The following IL15RA variants were observed in gnomAD, a reference collection of about 807,000 sequenced individuals.
IL15RA encodes the protein interleukin 15 receptor subunit alpha, also known as interleukin-15 receptor subunit alpha.
Under a neutral mutation model 24.2 loss-of-function variants are expected in IL15RA, and 26 were observed. The observed-to-expected ratio is 1.07, with a 90% confidence interval of 0.79 to 1.49. The LOEUF is 1.49. Among genes scored for constraint, IL15RA ranks in the 40% most tolerant of loss-of-function variants. The pLI, the probability that IL15RA is intolerant of heterozygous loss-of-function variation, is 0.00. For missense variants in IL15RA, 354 were observed against 356.4 expected (o/e 0.99, Z 0.05); for synonymous variants, 166 against 157.6 (o/e 1.05, Z -0.40).
chr10:5,966,062 T>C lies in IL15RA; in HGVS notation c.283+83A>G. 1.0e-6 allele frequency: 1 copy of C among 982,964 alleles called. No homozygotes were observed. Among genetic ancestry groups the C allele is most frequent in the Non-Finnish European group, 1.6e-6 (1 of 639,370 alleles). 60.9% of individuals were successfully genotyped at this position (982,964 alleles called of 1,614,324 possible). On this transcript the variant is annotated intron_variant, in intron 2 of 6. Coordinates refer to ENST00000379977, the MANE Select transcript of IL15RA (RefSeq NM_002189.4). The surrounding 1 kb of genome is among the most constrained non-coding windows in gnomAD (Gnocchi z 6.4). ...GCCTCAGACCTCAGCACAGATCCCT[T>C]GACCCCTGAGATGGGGTCTTCTCTC... is the stretch of plus-strand genomic sequence containing the variant.
In IL15RA at chr10:5,965,660, C is replaced by T. The variant is rs1349350458; in HGVS notation, c.283+485G>A. The stretch of plus-strand genomic sequence containing the variant: ...GGATTTAAACCCAGAATCCTGTGAC[C>T]CCAGCACCTGTGTGTTTCCAACGCC... On this transcript the variant is annotated intron_variant, in intron 2 of 6. Transcript: ENST00000379977. This position sits in a 1 kb window ranked among gnomAD's most constrained non-coding sequence, Gnocchi z 5.8. Among the ~76,000 whole-genome samples, 1 of 152,212 alleles carries T rather than the reference C, an allele frequency of 6.6e-6. No individual in the cohort carries two copies.
At position 5,966,717 on chromosome 10, in the gene IL15RA, C is replaced by T. The variant is rs1836613655; in HGVS notation, c.89-378G>A. Among the ~76,000 whole-genome samples the T allele has an allele frequency of 6.6e-6, 1 of 152,134 alleles. No individual in the cohort carries two copies. The highest frequency in any genetic ancestry group is 6.5e-5 in the Admixed American group (1 of 15,270). On this transcript the variant is annotated intron_variant, in intron 1 of 6. Coordinates refer to ENST00000379977, the MANE Select transcript of IL15RA (RefSeq NM_002189.4). This position sits in a 1 kb window ranked among gnomAD's most constrained non-coding sequence, Gnocchi z 6.4. ...ACAGCAAGTGCCTCCAGATAGGCCC[C>T]CTGCAGGCTCTCCCACAGGTCTCTG...
rs1835203235 is a variant in IL15RA at position 5,959,861 on chromosome 10, G to C, written c.584-75C>G. The stretch of plus-strand genomic sequence containing the variant: ...TTCCTCATGAAGCAGGAGAAAATCT[G>C]CATGGCTTGGCTCCCATCTTAGCAC... On this transcript the variant is annotated intron_variant, in intron 4 of 6. Coordinates refer to ENST00000379977, the MANE Select transcript of IL15RA (RefSeq NM_002189.4). The surrounding 1 kb of genome is among the most constrained non-coding windows in gnomAD (Gnocchi z 4.1). 7.0e-7 allele frequency: 1 copy of C among 1,419,612 alleles called. No individual in the cohort carries two copies. Among genetic ancestry groups the C allele is most frequent in the Non-Finnish European group, 9.9e-7 (1 of 1,009,496 alleles). The allele number at this position is 1,419,612 out of a possible 1,614,324, so 87.9% of individuals were successfully genotyped here.
upstream of IL15RA, chr10:5,977,957 G>A (rs1334974019): frequency 2.4e-5 from 5 of 209,768 alleles, no homozygotes; most frequent in Admixed American, 1.2e-4. Flanking sequence ...GTCGCCTCCA[G>A]CTGCTCCGCC....
chr10:5,951,141 C>CAAAAAAAAAAAAA (rs60771366), downstream of IL15RA, among the ~76,000 whole-genome samples: 19 of 35,950 alleles, frequency 5.3e-4, 2 homozygotes, highest in African/African-American at 1.1e-3. Context: ...GACTCAGTCT[C>CAAAAAAAAAAAAA]AAAAAAAAAA....
At chr10:5,969,378 A>G (rs1486774559) in intron 1 of IL15RA, among the ~76,000 whole-genome samples, 1 of 147,032 alleles carries the variant, frequency 6.8e-6, no homozygotes, top group Non-Finnish European at 1.5e-5. Context: ...ATTAAATTAA[A>G]TTAAATTTTT....
Position 5,958,869 on chromosome 10 carries a change from GT to G in IL15RA, c.616+884del. On this transcript the variant is annotated intron_variant, in intron 5 of 6. Coordinates refer to ENST00000379977, the MANE Select transcript of IL15RA (RefSeq NM_002189.4). This position sits in a 1 kb window ranked among gnomAD's most constrained non-coding sequence, Gnocchi z 4.3. ...TTTGTCCATATCAAATTACAGTTGG[GT>G]TTTTTGTTACTTTGGAAGCTTGTCA... 6.6e-6 allele frequency among the ~76,000 whole-genome samples: 1 copy of G among 152,234 alleles called. No individual in the cohort carries two copies.
At chr10:5,954,687 G>A (rs990643881) in intron 6 of IL15RA, among the ~76,000 whole-genome samples, 5 of 151,988 alleles carry the variant, frequency 3.3e-5, no homozygotes, top group Non-Finnish European at 7.4e-5. Context: ...TCCTTTTTAA[G>A]AATATATTTT....
At position 5,960,152 on chromosome 10, in the gene IL15RA, T is replaced by G. The variant is rs892573741; in HGVS notation, c.583+215A>C. Among the ~76,000 whole-genome samples, 1 of 151,382 alleles carries G rather than the reference T, an allele frequency of 6.6e-6. No individual in the cohort carries two copies. The highest frequency in any genetic ancestry group is 1.5e-5 in the Non-Finnish European group (1 of 67,846). Reference sequence around the variant, plus strand: ...CTGGCCCTGTCACATCTTGGGGGGGTGTGGGCTTGCTTTTGCAGCTGCCCC... The same window carrying G: ...CTGGCCCTGTCACATCTTGGGGGGGGGTGGGCTTGCTTTTGCAGCTGCCCC... On this transcript the variant is annotated intron_variant, in intron 4 of 6. Transcript: ENST00000379977. This position sits in a 1 kb window ranked among gnomAD's most constrained non-coding sequence, Gnocchi z 5.1.
intron 5 of IL15RA, among the ~76,000 whole-genome samples, chr10:5,957,655 C>G (rs8177712): frequency 0.12 from 17,624 of 148,118 alleles, 1,234 homozygotes; most frequent in South Asian, 0.18. Flanking sequence ...TGCAGCGGCT[C>G]GAGTTTGCTC....
Position 5,966,185 on chromosome 10 carries a change from C to T in IL15RA, c.243G>A (p.Thr81=), listed in dbSNP as rs150111191. ...TGGGGGTTGTCCAGTGGGCGACATT[C>T]GTGGCCTTGTTCAACACGCACTCCG... ...SLTECVLNKA[T]NVAHWTTPSL... The change falls in exon 2 of 7, where the codon ACG becomes ACA. Residue 81 remains threonine (T), a synonymous_variant. Coordinates refer to ENST00000379977, the MANE Select transcript of IL15RA (RefSeq NM_002189.4). The surrounding 1 kb of genome is among the most constrained non-coding windows in gnomAD (Gnocchi z 6.4). The T allele has an allele frequency of 1.2e-4, 191 of 1,612,914 alleles. No homozygotes were observed. Among genetic ancestry groups the T allele is most frequent in the Non-Finnish European group, 1.4e-4 (169 of 1,179,054 alleles).
At chr10:5,976,711 G>A (rs1255870903) in intron 1 of IL15RA, among the ~76,000 whole-genome samples, 5 of 151,982 alleles carry the variant, frequency 3.3e-5, no homozygotes, top group African/African-American at 1.2e-4. Context: ...TCCGCGACCC[G>A]CTTTCTTCTC....
rs562205275 is a variant in IL15RA, at chr10:5,962,453, G to C, written c.382+1290C>G. On this transcript the variant is annotated intron_variant, in intron 3 of 6. Coordinates refer to ENST00000379977, the MANE Select transcript of IL15RA (RefSeq NM_002189.4). The surrounding 1 kb of genome is among the most constrained non-coding windows in gnomAD (Gnocchi z 5.2). ...CTAAAAATACAGAAATTAGCCAGGC[G>C]TGGTGGTGCACGCCTGTGATCCCAG... is the stretch of plus-strand genomic sequence containing the variant. 6.6e-6 allele frequency among the ~76,000 whole-genome samples: 1 copy of C among 152,068 alleles called. No homozygotes were observed. The highest frequency in any genetic ancestry group is 2.1e-4 in the South Asian group (1 of 4,820).
Position 5,966,270 on chromosome 10 carries a change from G to T in IL15RA, c.158C>A (p.Ser53Tyr). 6.2e-7 allele frequency: 1 copy of T among 1,614,152 alleles called. No individual in the cohort carries two copies. The highest frequency in any genetic ancestry group is 1.3e-5 in the African/African-American group (1 of 75,056). ...AGAGTTACAAATGTACCGCTCCCTG[G>T]AGTACAAGCTGTAGCTCTTGACCCA... ...DIWVKSYSLYSRERYICNSGF... is the reference protein window; with the variant it reads ...DIWVKSYSLYYRERYICNSGF... The change falls in exon 2 of 7, where the codon TCC becomes TAC. Residue 53 changes from serine to tyrosine, a missense_variant. Transcript: ENST00000379977. This position sits in a 1 kb window ranked among gnomAD's most constrained non-coding sequence, Gnocchi z 6.4.
Position 5,977,388 on chromosome 10 carries a change from T to C in IL15RA, c.88+17A>G. 1 of 1,241,620 alleles carries C rather than the reference T, an allele frequency of 8.1e-7. No individual in the cohort carries two copies. 76.9% of individuals were successfully genotyped at this position (1,241,620 alleles called of 1,614,324 possible). A position where few individuals can be genotyped will look rare whatever the true frequency, so the allele number is the denominator to read the frequency against. ...CTTCCAAGTCCCGCCCGGGCGCCCC[T>C]GCTCCCAGCTCCCTACCCCGCGTCG... On this transcript the variant is annotated intron_variant, in intron 1 of 6. Transcript: ENST00000379977.
At position 5,971,292 on chromosome 10, in the gene IL15RA, C is replaced by G. The variant is rs191075753; in HGVS notation, c.89-4953G>C. On this transcript the variant is annotated intron_variant, in intron 1 of 6. Coordinates refer to ENST00000379977, the MANE Select transcript of IL15RA (RefSeq NM_002189.4). This position sits in a 1 kb window ranked among gnomAD's most constrained non-coding sequence, Gnocchi z 5.5. ...TGGAAATTGGAGTAAACTTATGGCT[C>G]TAGGACTTTCAAAACTCTGAAGTAG... is the stretch of plus-strand genomic sequence containing the variant. Among the ~76,000 whole-genome samples the G allele has an allele frequency of 2.2e-3, 334 of 152,250 alleles. 1 individual carries two copies. The highest frequency in any genetic ancestry group is 7.6e-3 in the African/African-American group (314 of 41,546).
rs1835033773 is a variant in IL15RA at position 5,959,030 on chromosome 10, G to T, written c.616+724C>A. Among the ~76,000 whole-genome samples the T allele has an allele frequency of 6.6e-6, 1 of 151,730 alleles. No homozygotes were observed. The highest frequency in any genetic ancestry group is 2.4e-5 in the African/African-American group (1 of 41,244). On this transcript the variant is annotated intron_variant, in intron 5 of 6. Coordinates refer to ENST00000379977, the MANE Select transcript of IL15RA (RefSeq NM_002189.4). The surrounding 1 kb of genome is among the most constrained non-coding windows in gnomAD (Gnocchi z 4.1). ...AGCTTTTTCTTTTAGTCTTGTAAAC[G>T]CTTTCCCCTTTTCCTCCTTATCATC...
At chr10:5,976,466 G>T (rs2132758175) in intron 1 of IL15RA, among the ~76,000 whole-genome samples, 1 of 152,240 alleles carries the variant, frequency 6.6e-6, no homozygotes, top group East Asian at 1.9e-4. Flanking sequence ...CTTCAGTGGG[G>T]CTTTGACCCC....
intron 6 of IL15RA, among the ~76,000 whole-genome samples, chr10:5,954,960 A>G (rs1202905591): frequency 6.6e-6 from 1 of 152,144 alleles, no homozygotes; most frequent in Non-Finnish European, 1.5e-5. Flanking sequence ...TATAAGGTTT[A>G]TGGCTTTTTT....
Sources: gnomAD v4.1 joint callset for allele counts (sites outside exome capture counted in the v4.1 genomes callset) on GRCh38, gnomAD v4.1.1 for gene constraint, Gnocchi (gnomAD v3.1) non-coding constraint, MANE v1.5 for transcripts, NCBI Gene and HGNC (gene_info 2026-07-23, HGNC 2026-07-21) for gene names.